The following CRYBG3 variants were observed in gnomAD, a reference collection of about 807,000 sequenced individuals.
CRYBG3 encodes crystallin beta-gamma domain containing 3.
CRYBG3 carries 127 observed loss-of-function variants against 244.2 expected under a neutral mutation model. The ratio of observed to expected loss-of-function variants is 0.52; its 90% CI spans 0.45 to 0.60. CRYBG3 has a LOEUF of 0.60. CRYBG3 is among the 20% of genes least tolerant of loss of function. The pLI is 0.00. For synonymous variants in CRYBG3, 1,132 were observed against 1,195.8 expected (o/e 0.95, Z 1.10); for missense variants, 3,325 against 3,442.5 (o/e 0.97, Z 0.85).
At chr3:97,853,827 T>C (rs1480279423) in intron 2 of CRYBG3, among the ~76,000 whole-genome samples, 2 of 138,172 alleles carry the variant, frequency 1.4e-5, no homozygotes, top group Non-Finnish European at 3.2e-5. Context: ...TCCCTGATAA[T>C]TAGTGATGTT....
intron 1 of CRYBG3, among the ~76,000 whole-genome samples, chr3:97,830,978 C>G (rs1421367845): frequency 6.6e-6 from 1 of 151,990 alleles, no homozygotes; most frequent in African/African-American, 2.4e-5. Flanking sequence ...TAGGCTCCTG[C>G]CAAATGTTAT....
intron 4 of CRYBG3, among the ~76,000 whole-genome samples, 177 bp from the exon 5 acceptor site, chr3:97,879,527 A>G (rs905611258): frequency 1.3e-5 from 2 of 152,198 alleles, no homozygotes; most frequent in Non-Finnish European, 1.5e-5. Context: ...GGCAGAGACA[A>G]TGTGTTAATT....
At chr3:97,928,000 T>G (rs2040058464) in intron 17 of CRYBG3, among the ~76,000 whole-genome samples, 2 of 152,022 alleles carry the variant, frequency 1.3e-5, no homozygotes, top group South Asian at 4.1e-4. Context: ...GTTTGGAGAT[T>G]TCTCAAAGAA....
In CRYBG3 at chr3:97,908,569, C is replaced by A. The variant is rs541831951; in HGVS notation, c.8005-3598C>A. Among the ~76,000 whole-genome samples, 7 of 152,188 alleles carry A rather than the reference C, an allele frequency of 4.6e-5. No homozygotes were observed. In the East Asian group the frequency reaches 1.4e-3, roughly 29 times the overall value. ...GTTTTATCAGAGACTAGGATTGCAA[C>A]CCCTGCCTTTTTTTGTTTTCCATTT... On this transcript the variant is annotated intron_variant, in intron 15 of 21. Transcript: ENST00000389622.
chr3:97,822,416 C>T, intron 1 of CRYBG3, 61 bp downstream of exon 1: 1 of 1,369,566 alleles, frequency 7.3e-7, no homozygotes, highest in Non-Finnish European at 9.5e-7. Context: ...TGAAGGCTCC[C>T]GGCCTGACCG....
At position 97,875,448 on chromosome 3, in the gene CRYBG3, T is replaced by C; in HGVS notation, c.4254T>C (p.Asn1418=). The C allele has an allele frequency of 7.5e-7, 1 of 1,327,966 alleles. No homozygotes were observed. The highest frequency in any genetic ancestry group is 2.4e-5 in the South Asian group (1 of 41,188). 82.3% of individuals were successfully genotyped at this position (1,327,966 alleles called of 1,614,324 possible). The change falls in exon 4 of 22, where the codon AAT becomes AAC. Residue 1418 remains asparagine, a synonymous_variant. Transcript: ENST00000389622. ...GNGSGLSDSI[N]LQESDTVLLA... ...GATCTGGACTGTCTGATAGTATAAA[T>C]TTGCAGGAATCAGATACGGTTTTAC...
intron 10 of CRYBG3, among the ~76,000 whole-genome samples, chr3:97,889,638 A>G (rs1023004098): frequency 4.6e-5 from 7 of 152,134 alleles, no homozygotes; most frequent in Non-Finnish European, 1.0e-4. Context: ...GACTCACTAC[A>G]TTCTGCTACA....
chr3:97,919,271 A>G (rs1166984416), intron 17 of CRYBG3, among the ~76,000 whole-genome samples: 1 of 151,886 alleles, frequency 6.6e-6, no homozygotes. Flanking sequence ...TTCTCTTTCA[A>G]AATTCATTTA....
chr3:97,866,031 A>G (rs934573854), intron 3 of CRYBG3, among the ~76,000 whole-genome samples: 7 of 152,336 alleles, frequency 4.6e-5, no homozygotes, highest in African/African-American at 1.7e-4. Flanking sequence ...AAGTCAAACA[A>G]TATAAACAAA....
intron 15 of CRYBG3, among the ~76,000 whole-genome samples, chr3:97,910,481 G>T (rs1334247167): frequency 2.0e-5 from 3 of 152,238 alleles, no homozygotes; most frequent in Admixed American, 2.0e-4. Context: ...CCGGAAAAGT[G>T]CAGTATTAGG....
At chr3:97,870,926 A>G (rs1481008365) in intron 3 of CRYBG3, among the ~76,000 whole-genome samples, 1 of 152,190 alleles carries the variant, frequency 6.6e-6, no homozygotes, top group Non-Finnish European at 1.5e-5. Context: ...CTGTGCACCC[A>G]GAGATCAAAG....
rs2039193044 is a variant in CRYBG3, at chr3:97,864,283, C to A, written c.283C>A (p.Pro95Thr). ...KPVTLPVQED[P>T]KKAYDLSSST... is the part of the protein sequence containing the mutation. Reference sequence around the variant, plus strand: ...AGTCACTCTTCCAGTGCAGGAAGATCCCAAAAAGGCATATGATCTTTCCAG... The same window carrying A: ...AGTCACTCTTCCAGTGCAGGAAGATACCAAAAAGGCATATGATCTTTCCAG... Residue 95 changes from proline (P) to threonine (T), a missense_variant, in exon 3 of 22, where the codon CCC becomes ACC. Pro to Thr is a conservative substitution (Grantham distance 38, BLOSUM62 -1). Transcript: ENST00000389622. The A allele has an allele frequency of 2.0e-6, 3 of 1,534,932 alleles. No homozygotes were observed. Among genetic ancestry groups the A allele is most frequent in the African/African-American group, 2.7e-5 (2 of 72,912 alleles).
intron 3 of CRYBG3, among the ~76,000 whole-genome samples, chr3:97,869,463 G>A (rs2039275501): frequency 6.6e-6 from 1 of 152,076 alleles, no homozygotes; most frequent in Non-Finnish European, 1.5e-5. Flanking sequence ...CTTACACATA[G>A]AAGTTGCCAT....
chr3:97,887,591 A>C (rs1179537095), intron 8 of CRYBG3, among the ~76,000 whole-genome samples: 3 of 151,984 alleles, frequency 2.0e-5, no homozygotes, highest in African/African-American at 7.2e-5. Context: ...ATCTCTACTA[A>C]AAAAATACAA....
chr3:97,884,196 A>G (rs2039482707), intron 7 of CRYBG3, among the ~76,000 whole-genome samples: 1 of 152,186 alleles, frequency 6.6e-6, no homozygotes, highest in South Asian at 2.1e-4. Context: ...AACCTCAGTA[A>G]TCAGTAATTG....
Position 97,839,755 on chromosome 3 carries a change from C to CTT in CRYBG3, c.150-3429_150-3428dup, listed in dbSNP as rs34730663. ...AACACGTACCACCATGCCCAGCCCC[C>CTT]TTTTTTTTTTTTGTCAAGACAAGGT... On this transcript the variant is annotated intron_variant, in intron 1 of 21. Transcript: ENST00000389622. Among the ~76,000 whole-genome samples, 203 of 146,344 alleles carry CTT rather than the reference C, an allele frequency of 1.4e-3. 1 individual carries two copies. The highest frequency in any genetic ancestry group is 4.8e-3 in the African/African-American group (193 of 39,862).
At chr3:97,910,086 G>A (rs2039847846) in intron 15 of CRYBG3, among the ~76,000 whole-genome samples, 1 of 151,756 alleles carries the variant, frequency 6.6e-6, no homozygotes, top group Non-Finnish European at 1.5e-5. Context: ...GGACCCACTT[G>A]AGGAGGCAGT....
intron 1 of CRYBG3, among the ~76,000 whole-genome samples, chr3:97,842,545 A>G (rs1487462899): frequency 6.6e-6 from 1 of 151,990 alleles, no homozygotes; most frequent in East Asian, 1.9e-4. Flanking sequence ...ACAGAACAAG[A>G]CCATCTCTAA....
At chr3:97,829,347 G>A (rs1481626753) in intron 1 of CRYBG3, among the ~76,000 whole-genome samples, 2 of 152,204 alleles carry the variant, frequency 1.3e-5, no homozygotes, top group Non-Finnish European at 2.9e-5. Context: ...ACTGGGTGGA[G>A]TTGACACTTG....
Sources: allele counts gnomAD v4.1 joint callset (sites outside exome capture counted in the v4.1 genomes callset), GRCh38; gene constraint gnomAD v4.1.1; transcripts MANE v1.5; gene names NCBI Gene and HGNC (gene_info 2026-07-23, HGNC 2026-07-21).